Variants in ZNF516 observed in about 807,000 individuals in gnomAD.
The protein encoded by ZNF516 is zinc finger protein 516.
A neutral mutation model predicts 79.7 loss-of-function variants in ZNF516; 19 were observed. The ratio of observed to expected loss-of-function variants is 0.24; its 90% CI spans 0.17 to 0.35. ZNF516 has a LOEUF of 0.35. Among genes scored for constraint, ZNF516 ranks in the 10% least tolerant of loss-of-function variants. ZNF516 has a pLI of 1.00. For synonymous variants in ZNF516, 877 were observed against 739.5 expected (o/e 1.19, Z -3.02); for missense variants, 1,678 against 1,679.5 (o/e 1.00, Z 0.02).
chr18:76,421,393 C>T (rs1348084184), intron 3 of ZNF516, among the ~76,000 whole-genome samples: 1 of 152,148 alleles, frequency 6.6e-6, no homozygotes, highest in African/African-American at 2.4e-5. Context: ...TCCAGGGCTT[C>T]GAGCTTTAAG....
chr18:76,413,055 C>T (rs2075390662), intron 3 of ZNF516, among the ~76,000 whole-genome samples: 1 of 152,212 alleles, frequency 6.6e-6, no homozygotes, highest in Admixed American at 6.5e-5. Context: ...GAAACCAAGG[C>T]CTCTGTGAGG....
At chr18:76,490,894 C>A in intron 1 of ZNF516, 1 of 985,528 alleles carries the variant, frequency 1.0e-6, no homozygotes, top group African/African-American at 1.7e-5. Context: ...TGGGCTTTTC[C>A]AGGCAGTCCA....
At chr18:76,481,965 G>T (rs1188090740) in intron 1 of ZNF516, among the ~76,000 whole-genome samples, 1 of 152,108 alleles carries the variant, frequency 6.6e-6, no homozygotes, top group African/African-American at 2.4e-5. Context: ...GTAGCTACAA[G>T]GAACTACTTT....
intron 6 of ZNF516, among the ~76,000 whole-genome samples, chr18:76,365,427 A>C (rs1418451904): frequency 2.0e-5 from 3 of 152,234 alleles, no homozygotes; most frequent in Non-Finnish European, 4.4e-5. Context: ...AAAAAAAATC[A>C]ATTTCTCTGC....
intron 2 of ZNF516, among the ~76,000 whole-genome samples, chr18:76,455,543 G>A (rs1032181610): frequency 1.3e-5 from 2 of 152,230 alleles, no homozygotes; most frequent in South Asian, 4.1e-4. Flanking sequence ...TCAGCAGGGT[G>A]TAAGCACAGC....
intron 3 of ZNF516, among the ~76,000 whole-genome samples, chr18:76,414,438 C>T (rs2075408438): frequency 1.3e-5 from 2 of 152,146 alleles, no homozygotes; most frequent in Non-Finnish European, 2.9e-5. Context: ...GAACAAATGC[C>T]CTCTGTCACT....
At chr18:76,381,644 G>C (rs533643939) in intron 3 of ZNF516, among the ~76,000 whole-genome samples, 1 of 152,228 alleles carries the variant, frequency 6.6e-6, no homozygotes, top group Non-Finnish European at 1.5e-5. Flanking sequence ...CACTTGCCCA[G>C]ATCTGAGGGA....
rs1243209611 is a variant in ZNF516 at position 76,361,614 on chromosome 18, C to A, written c.*884G>T. ...TGCCATTACTAAAACAGGTCCGAAT[C>A]GGGAGGACTCAGTGGCTAAATAATT... On this transcript the variant is annotated 3_prime_UTR_variant, in exon 7 of 7. Transcript: ENST00000443185. 2.0e-5 allele frequency: 3 copies of A among 152,326 alleles called. No individual in the cohort carries two copies. The highest frequency in any genetic ancestry group is 1.9e-4 in the East Asian group (1 of 5,190). 9.4% of individuals were successfully genotyped at this position (152,326 alleles called of 1,614,324 possible).
intron 3 of ZNF516, among the ~76,000 whole-genome samples, chr18:76,429,801 G>A (rs542231214): frequency 7.9e-5 from 12 of 152,298 alleles, no homozygotes; most frequent in African/African-American, 2.2e-4. Flanking sequence ...CAGTGGCTAC[G>A]GAAAAGGTAT....
At chr18:76,494,564 AAAAC>A (rs1401535380) in intron 1 of ZNF516, among the ~76,000 whole-genome samples, 1 of 150,500 alleles carries the variant, frequency 6.6e-6, no homozygotes, top group Non-Finnish European at 1.5e-5. Flanking sequence ...GGGGCCGTAA[AAAAC>A]AAGGCCACCC....
At chr18:76,403,563 GA>G (rs1367263054) in intron 3 of ZNF516, among the ~76,000 whole-genome samples, 1 of 152,160 alleles carries the variant, frequency 6.6e-6, no homozygotes, top group Non-Finnish European at 1.5e-5. Flanking sequence ...ATGAGATACA[GA>G]GCACCCAGCC....
intron 3 of ZNF516, among the ~76,000 whole-genome samples, chr18:76,406,907 G>T (rs2075311417): frequency 1.3e-5 from 2 of 152,168 alleles, no homozygotes; most frequent in Admixed American, 6.5e-5. Flanking sequence ...CCGCATCTCA[G>T]TGTCCCCTGC....
At chr18:76,404,172 G>T (rs765842731) in intron 3 of ZNF516, among the ~76,000 whole-genome samples, 1 of 152,242 alleles carries the variant, frequency 6.6e-6, no homozygotes, top group Non-Finnish European at 1.5e-5. Context: ...TGGGCAAAGG[G>T]AAGACCCTCG....
rs756427594 is a variant in ZNF516, at chr18:76,441,850, T to C, written c.1205A>G (p.Gln402Arg). 7 of 1,577,298 alleles carry C rather than the reference T, an allele frequency of 4.4e-6. No homozygotes were observed. The South Asian group carries it at 5.7e-5, about 13-fold the overall frequency. Residue 402 changes from glutamine (Q) to arginine (R), a missense_variant, in exon 3 of 7, where the codon CAG (glutamine) becomes CGG (arginine). By Grantham distance (43) the Gln-to-Arg change is conservative (BLOSUM62 1). Transcript: ENST00000443185. ...SAAGDSCPGT[Q>R]AGRRVAELDP... ...CAGCTCAGCCACCCGCCGTCCGGCC[T>C]GCGTGCCAGGGCACGAGTCGCCGGC...
At chr18:76,400,104 A>G (rs2075199326) in intron 3 of ZNF516, among the ~76,000 whole-genome samples, 1 of 152,110 alleles carries the variant, frequency 6.6e-6, no homozygotes, top group Admixed American at 6.5e-5. Flanking sequence ...AAACTCAGGC[A>G]GGAGGGTGTG....
intron 3 of ZNF516, among the ~76,000 whole-genome samples, chr18:76,424,628 C>A (rs1356770579): frequency 3.4e-5 from 4 of 116,450 alleles, no homozygotes; most frequent in Admixed American, 1.8e-4. Flanking sequence ...GGTGAAAAGG[C>A]TCCCCCGAAA....
chr18:76,376,726 C>T (rs750023464), intron 4 of ZNF516, among the ~76,000 whole-genome samples: 19 of 152,154 alleles, frequency 1.2e-4, no homozygotes, highest in African/African-American at 3.1e-4. Flanking sequence ...CCTTTAAAAA[C>T]GGGGGACGGC....
chr18:76,385,208 C>A (rs575064246), intron 3 of ZNF516, among the ~76,000 whole-genome samples: 2 of 152,342 alleles, frequency 1.3e-5, no homozygotes, highest in Admixed American at 6.5e-5. Context: ...CTAAGCAGGA[C>A]CTTCCTAGAT....
intron 6 of ZNF516, among the ~76,000 whole-genome samples, chr18:76,365,945 C>T (rs1303870923): frequency 1.3e-5 from 2 of 152,212 alleles, no homozygotes; most frequent in Non-Finnish European, 2.9e-5. Flanking sequence ...ATCCTTTCCA[C>T]CCTTACCACC....
Sources: gnomAD v4.1 joint callset for allele counts (sites outside exome capture counted in the v4.1 genomes callset) on GRCh38, gnomAD v4.1.1 for gene constraint, MANE v1.5 for transcripts, NCBI Gene and HGNC (gene_info 2026-07-23, HGNC 2026-07-21) for gene names.